NIBAN1: variants seen among roughly 807,000 people sequenced by gnomAD.
The protein encoded by NIBAN1 is protein Niban 1.
Under a neutral mutation model 75.1 loss-of-function variants are expected in NIBAN1, and 81 were observed. That is an observed-to-expected ratio of 1.08 (90% confidence interval 0.90 to 1.30). The LOEUF is 1.30. Ranked by LOEUF, NIBAN1 falls within the 50% of genes most tolerant of loss-of-function variation. NIBAN1 has a pLI of 0.00. For synonymous variants in NIBAN1, 436 were observed against 424.8 expected (o/e 1.03, Z -0.32); for missense variants, 1,133 against 1,128.1 (o/e 1.00, Z -0.06).
At chr1:184,888,921 G>A (rs1656599354) in intron 4 of NIBAN1, among the ~76,000 whole-genome samples, 1 of 152,196 alleles carries the variant, frequency 6.6e-6, no homozygotes. Context: ...GTTAATCTTA[G>A]TTTATGGTCC....
rs80024217 is a variant in NIBAN1 at position 184,863,062 on chromosome 1, G to A, written c.601+21571C>T. ...CCAGGTTTTATTAGTTTAACATTAC[G>A]TCCTCCTTAAAAGAGTTCTGAGAAC... On this transcript the variant is annotated intron_variant, in intron 5 of 13. Transcript: ENST00000367511. Among the ~76,000 whole-genome samples, 509 of 152,080 alleles carry A rather than the reference G, an allele frequency of 3.3e-3. 7 individuals carry two copies. In the East Asian group the frequency reaches 0.04, roughly 12 times the overall value.
intron 5 of NIBAN1, among the ~76,000 whole-genome samples, chr1:184,860,277 C>CG (rs1434016776): frequency 2.5e-5 from 1 of 40,490 alleles, no homozygotes; most frequent in African/African-American, 1.0e-4. Context: ...GCGGCGGGGG[C>CG]GGGGGGCCAG....
chr1:184,934,196 T>A (rs1007098251), intron 1 of NIBAN1, among the ~76,000 whole-genome samples: 1 of 152,232 alleles, frequency 6.6e-6, no homozygotes, highest in Non-Finnish European at 1.5e-5. Flanking sequence ...GAAGCCATTA[T>A]CCTAAGCGAA....
At chr1:184,835,410 A>T (rs1655111591) in intron 5 of NIBAN1, among the ~76,000 whole-genome samples, 1 of 152,204 alleles carries the variant, frequency 6.6e-6, no homozygotes, top group Admixed American at 6.5e-5. Flanking sequence ...TGGAGATGGC[A>T]TTGAATCTAT....
At chr1:184,851,977 A>G (rs2102264615) in intron 5 of NIBAN1, among the ~76,000 whole-genome samples, 1 of 152,178 alleles carries the variant, frequency 6.6e-6, no homozygotes, top group African/African-American at 2.4e-5. Flanking sequence ...AAAGCCCAGC[A>G]CGCGCCACAG....
Position 184,970,772 on chromosome 1 carries a change from G to A in NIBAN1, c.55+3530C>T, listed in dbSNP as rs139088866. Among the ~76,000 whole-genome samples, 397 of 152,220 alleles carry A rather than the reference G, an allele frequency of 2.6e-3. 4 individuals are homozygous for A. The highest frequency in any genetic ancestry group is 8.8e-3 in the African/African-American group (366 of 41,548). ...TGTTTATCCCATGGTTTTCAGCTGCGGCACTGACTGTCCAGTACTTTTCTG... is the reference window on the plus strand; with the variant it reads ...TGTTTATCCCATGGTTTTCAGCTGCAGCACTGACTGTCCAGTACTTTTCTG... On this transcript the variant is annotated intron_variant, in intron 1 of 13. Transcript: ENST00000367511.
rs1234834651 is a variant in NIBAN1, at chr1:184,968,254, A to ATGGCTT, written c.55+6042_55+6047dup. Among the ~76,000 whole-genome samples the ATGGCTT allele has an allele frequency of 6.6e-4, 100 of 152,126 alleles. 5 individuals carry two copies. Among genetic ancestry groups the ATGGCTT allele is most frequent in the African/African-American group, 2.3e-3 (97 of 41,424 alleles). ...GAAATCACAACTCACAAAATCCTTC[A>ATGGCTT]TGGCTTTGCAACATGAGATTTGGTT... On this transcript the variant is annotated intron_variant, in intron 1 of 13. Coordinates refer to ENST00000367511, the MANE Select transcript of NIBAN1 (RefSeq NM_052966.4).
intron 1 of NIBAN1, among the ~76,000 whole-genome samples, chr1:184,936,391 G>T (rs570745328): frequency 6.6e-6 from 1 of 152,170 alleles, no homozygotes; most frequent in East Asian, 1.9e-4. Flanking sequence ...CTCTCTGTCA[G>T]GCCTCATATT....
At chr1:184,877,967 T>C (rs1015415544) in intron 5 of NIBAN1, among the ~76,000 whole-genome samples, 2 of 152,176 alleles carry the variant, frequency 1.3e-5, no homozygotes, top group Non-Finnish European at 2.9e-5. Context: ...TTTTTAATGA[T>C]TGTTCCAATT....
Position 184,924,881 on chromosome 1 carries a change from C to T in NIBAN1, c.56-25572G>A, listed in dbSNP as rs549402498. Among the ~76,000 whole-genome samples the T allele has an allele frequency of 1.3e-3, 205 of 152,092 alleles. 1 individual carries two copies. Among genetic ancestry groups the T allele is most frequent in the African/African-American group, 4.8e-3 (198 of 41,532 alleles). On this transcript the variant is annotated intron_variant, in intron 1 of 13. Transcript: ENST00000367511. ...TCTGCAGCATTGGTTGTAATGTTTC[C>T]ATTTTCAGGTCTAATTTTATTTGGG...
chr1:184,869,699 G>A (rs1426497825), intron 5 of NIBAN1, among the ~76,000 whole-genome samples: 1 of 151,934 alleles, frequency 6.6e-6, no homozygotes, highest in Non-Finnish European at 1.5e-5. Context: ...GCGCCACCAT[G>A]CCCGGCTAAT....
intron 5 of NIBAN1, among the ~76,000 whole-genome samples, chr1:184,854,582 G>C (rs1175152112): frequency 6.6e-6 from 1 of 152,144 alleles, no homozygotes; most frequent in Non-Finnish European, 1.5e-5. Context: ...AACTTTGAGG[G>C]CTCTCTAACA....
intron 1 of NIBAN1, among the ~76,000 whole-genome samples, chr1:184,969,003 C>A (rs547000340): frequency 6.6e-6 from 1 of 152,236 alleles, no homozygotes; most frequent in African/African-American, 2.4e-5. Flanking sequence ...GAGACTTGGA[C>A]GAAGATGGTC....
intron 8 of NIBAN1, among the ~76,000 whole-genome samples, chr1:184,821,100 T>C (rs2102219517): frequency 6.6e-6 from 1 of 152,358 alleles, no homozygotes; most frequent in South Asian, 2.1e-4. Context: ...TCTCAGCATC[T>C]GTGACATGCT....
intron 1 of NIBAN1, among the ~76,000 whole-genome samples, chr1:184,966,727 G>T (rs994646130): frequency 6.6e-6 from 1 of 152,056 alleles, no homozygotes; most frequent in Non-Finnish European, 1.5e-5. Context: ...CATTTGTTTT[G>T]TGTGGCTGTC....
At chr1:184,816,006 A>G (rs1244394120) in intron 9 of NIBAN1, among the ~76,000 whole-genome samples, 1 of 152,250 alleles carries the variant, frequency 6.6e-6, no homozygotes. Context: ...GGCTAAACAG[A>G]AAAGTACCTA....
chr1:184,937,360 G>A (rs1436595598), intron 1 of NIBAN1, among the ~76,000 whole-genome samples: 1 of 151,814 alleles, frequency 6.6e-6, no homozygotes, highest in African/African-American at 2.4e-5. Flanking sequence ...CTCTTAAGAT[G>A]GTTCTGGAGG....
intron 11 of NIBAN1, among the ~76,000 whole-genome samples, chr1:184,805,373 T>C (rs1292856203): frequency 6.6e-6 from 1 of 152,244 alleles, no homozygotes; most frequent in East Asian, 1.9e-4. Context: ...GGGAATATTC[T>C]AGTTAATGCA....
intron 1 of NIBAN1, among the ~76,000 whole-genome samples, chr1:184,916,306 G>A (rs1032326941): frequency 5.3e-5 from 8 of 151,942 alleles, no homozygotes; most frequent in Non-Finnish European, 8.8e-5. Flanking sequence ...AAAGAAAGTT[G>A]TAATAGGTAA....
Sources: gnomAD v4.1 joint callset for allele counts (sites outside exome capture counted in the v4.1 genomes callset) on GRCh38, gnomAD v4.1.1 for gene constraint, MANE v1.5 for transcripts, NCBI Gene and HGNC (gene_info 2026-07-23, HGNC 2026-07-21) for gene names.